LIMCH1: variants seen among roughly 807,000 people sequenced by gnomAD.
LIMCH1 encodes LIM and calponin homology domains 1, also known as LIM and calponin homology domains-containing protein 1.
LIMCH1 carries 113 observed loss-of-function variants against 176.5 expected under a neutral mutation model. The ratio of observed to expected loss-of-function variants is 0.64; its 90% CI spans 0.55 to 0.75. The LOEUF (loss-of-function observed/expected upper bound fraction) is 0.75. LIMCH1 is among the 30% of genes least tolerant of loss of function. LIMCH1 has a pLI of 0.00. For synonymous variants in LIMCH1, 619 were observed against 645.9 expected (o/e 0.96, Z 0.63); for missense variants, 1,674 against 1,814.9 (o/e 0.92, Z 1.41).
At chr4:41,582,513 C>G (rs936361578) in intron 1 of LIMCH1, among the ~76,000 whole-genome samples, 1 of 152,150 alleles carries the variant, frequency 6.6e-6, no homozygotes, top group East Asian at 1.9e-4. Context: ...GGAGGCAACG[C>G]AGTGTAGTGG....
intron 2 of LIMCH1, among the ~76,000 whole-genome samples, chr4:41,602,706 G>T (rs952459883): frequency 1.3e-5 from 2 of 151,890 alleles, no homozygotes; most frequent in South Asian, 4.2e-4. Context: ...TATTCGGGAG[G>T]CTGAGGCAGG....
intron 1 of LIMCH1, among the ~76,000 whole-genome samples, chr4:41,374,266 C>A (rs891817737): frequency 1.4e-4 from 21 of 152,090 alleles, no homozygotes; most frequent in African/African-American, 4.6e-4. Context: ...TGGCTTTAGA[C>A]ATGTTTTCTG....
At chr4:41,588,692 A>G (rs61521408) in intron 1 of LIMCH1, among the ~76,000 whole-genome samples, 117 of 152,322 alleles carry the variant, frequency 7.7e-4, no homozygotes, top group African/African-American at 2.3e-3. Context: ...CCAATCCTCA[A>G]TCCTGAATTA....
intron 19 of LIMCH1, 154 bp from the exon 20 acceptor site, chr4:41,662,667 G>C (rs2094666761): frequency 1.4e-6 from 1 of 738,554 alleles, no homozygotes; most frequent in Admixed American, 2.9e-5. Flanking sequence ...AGCATCTTAG[G>C]CTCTTTTATA....
intron 1 of LIMCH1, among the ~76,000 whole-genome samples, chr4:41,471,055 G>T (rs989822282): frequency 1.4e-5 from 2 of 145,634 alleles, no homozygotes; most frequent in African/African-American, 2.6e-5. Context: ...TAACATAGAT[G>T]GAAGACTAAT....
chr4:41,373,266 G>A lies in LIMCH1; in HGVS notation c.96+12330G>A, dbSNP rs1221963446. ...AAATGAGCAAGAAATCATGTTCTAG[G>A]CAAACACTTCAGGCTGTAGTGTTTG... On this transcript the variant is annotated intron_variant, in intron 1 of 26. Coordinates refer to the LIMCH1 transcript ENST00000313860. Among the ~76,000 whole-genome samples the A allele has an allele frequency of 2.0e-5, 3 of 152,202 alleles. No individual in the cohort carries two copies. In the East Asian group the frequency reaches 5.8e-4, roughly 29 times the overall value.
chr4:41,512,807 G>A (rs1180909849), intron 2 of LIMCH1, among the ~76,000 whole-genome samples: 1 of 152,156 alleles, frequency 6.6e-6, no homozygotes, highest in East Asian at 1.9e-4. Context: ...CTAGTGGAAG[G>A]GAAACTAAAA....
At chr4:41,360,315 C>T (rs2051814846), upstream of LIMCH1, among the ~76,000 whole-genome samples, 1 of 152,122 alleles carries the variant, frequency 6.6e-6, no homozygotes, top group Admixed American at 6.5e-5. The surrounding 1 kb of genome is among the most constrained non-coding windows in gnomAD (Gnocchi z 4.5). Flanking sequence ...CGGCCAGTGC[C>T]CGCGCGTCCT....
chr4:41,370,532 G>A (rs1468852428), intron 1 of LIMCH1, among the ~76,000 whole-genome samples: 1 of 152,036 alleles, frequency 6.6e-6, no homozygotes, highest in Non-Finnish European at 1.5e-5. Flanking sequence ...TAAAAAAAAA[G>A]TTGCCTGTGG....
At chr4:41,393,856 CTT>C (rs2057520299) in intron 1 of LIMCH1, among the ~76,000 whole-genome samples, 2 of 152,088 alleles carry the variant, frequency 1.3e-5, no homozygotes, top group South Asian at 4.1e-4. Flanking sequence ...CAAAATGTAT[CTT>C]TATCCTCTGG....
chr4:41,368,116 T>A (rs2053388317), intron 1 of LIMCH1, among the ~76,000 whole-genome samples: 1 of 152,210 alleles, frequency 6.6e-6, no homozygotes, highest in African/African-American at 2.4e-5. Flanking sequence ...TAATTGAATA[T>A]CTTATTCCAA....
At chr4:41,660,163 TAGTA>T (rs898046568) in intron 18 of LIMCH1, among the ~76,000 whole-genome samples, 15 of 152,304 alleles carry the variant, frequency 9.8e-5, no homozygotes, top group African/African-American at 3.4e-4. Context: ...TTCCTATCAT[TAGTA>T]AGTATTTTCA....
At chr4:41,677,710 A>G (rs1401617497) in intron 23 of LIMCH1, among the ~76,000 whole-genome samples, 1 of 152,192 alleles carries the variant, frequency 6.6e-6, no homozygotes, top group Non-Finnish European at 1.5e-5. Flanking sequence ...AGTAAAGTTC[A>G]CTGAAATTAA....
chr4:41,507,502 G>A (rs1455625597), intron 2 of LIMCH1, among the ~76,000 whole-genome samples: 1 of 152,168 alleles, frequency 6.6e-6, no homozygotes, highest in South Asian at 2.1e-4. Context: ...TTCTGCGTCA[G>A]CAACTGGGGT....
chr4:41,630,495 T>G (rs2093259856), intron 9 of LIMCH1, among the ~76,000 whole-genome samples: 1 of 152,234 alleles, frequency 6.6e-6, no homozygotes, highest in South Asian at 2.1e-4. Flanking sequence ...TAATTTTAAT[T>G]ATTCCACAGT....
At chr4:41,535,967 G>A (rs566538033), upstream of LIMCH1, among the ~76,000 whole-genome samples, 2 of 151,434 alleles carry the variant, frequency 1.3e-5, no homozygotes, top group East Asian at 1.9e-4. Context: ...CTTATCTTTC[G>A]TTGAACAGCG....
intron 18 of LIMCH1, among the ~76,000 whole-genome samples, chr4:41,652,289 C>G: frequency 6.6e-6 from 1 of 152,014 alleles, no homozygotes; most frequent in Non-Finnish European, 1.5e-5. Context: ...AATTCTTCCA[C>G]GCAGTACCCA....
At chr4:41,418,378 G>A (rs968073460) in intron 1 of LIMCH1, among the ~76,000 whole-genome samples, 3 of 152,140 alleles carry the variant, frequency 2.0e-5, no homozygotes, top group Non-Finnish European at 2.9e-5. Flanking sequence ...ACTCAACCTG[G>A]GTGAGCAGCT....
At chr4:41,612,984 C>A (rs2091624962) in intron 4 of LIMCH1, 3 of 1,548,720 alleles carry the variant, frequency 1.9e-6, no homozygotes, top group East Asian at 2.4e-5. Flanking sequence ...GCAGCAAAGA[C>A]AAATGTTGCC....
Sources: gnomAD v4.1 joint callset for allele counts (sites outside exome capture counted in the v4.1 genomes callset) on GRCh38, gnomAD v4.1.1 for gene constraint, Gnocchi (gnomAD v3.1) non-coding constraint, MANE v1.5 for transcripts, NCBI Gene and HGNC (gene_info 2026-07-23, HGNC 2026-07-21) for gene names.